Variants in GALNT13 observed in about 807,000 individuals in gnomAD.
The protein encoded by GALNT13 is UDP-GalNAc:polypeptide N-acetylgalactosaminyltransferase 13.
In GALNT13, 28 loss-of-function variants were observed where a neutral mutation model predicts 64.2. The observed-to-expected ratio is 0.44, with a 90% CI of 0.32 to 0.60. The LOEUF is 0.60. Among genes scored for constraint, GALNT13 ranks in the 20% least tolerant of loss-of-function variants. GALNT13 has a pLI of 0.05. For synonymous variants in GALNT13, 214 were observed against 224.6 expected, an observed-to-expected ratio of 0.95 and a Z score of 0.42; for missense variants, 577 against 669.8, an observed-to-expected ratio of 0.86 and a Z score of 1.53.
chr2:153,759,973 G>T, the GALNT13 span, among the ~76,000 whole-genome samples: 1 of 151,926 alleles, frequency 6.6e-6, no homozygotes, highest in South Asian at 2.1e-4. Context: ...CCCTTTAATG[G>T]TTATTTTTTA....
intron 4 of GALNT13, among the ~76,000 whole-genome samples, chr2:154,202,343 T>C (rs1687216804): frequency 6.6e-6 from 1 of 152,072 alleles, no homozygotes; most frequent in South Asian, 2.1e-4. Flanking sequence ...CTGATGAAGT[T>C]CTATTTTTCA....
intron 8 of GALNT13, among the ~76,000 whole-genome samples, chr2:154,295,018 T>C (rs1692836397): frequency 6.6e-6 from 1 of 152,290 alleles, no homozygotes; most frequent in South Asian, 2.1e-4. Context: ...AGCCCTGATA[T>C]TGGCAGAGAA....
the GALNT13 span, among the ~76,000 whole-genome samples, chr2:153,144,747 A>C: frequency 6.6e-6 from 1 of 152,048 alleles, no homozygotes; most frequent in South Asian, 2.1e-4. Context: ...GGGGAAAAGC[A>C]GTAATTAAGG....
chr2:153,796,829 C>A, the GALNT13 span, among the ~76,000 whole-genome samples: 4 of 152,084 alleles, frequency 2.6e-5, no homozygotes, highest in African/African-American at 9.7e-5. Flanking sequence ...TCTTCTCCTG[C>A]CAGTTTAGAG....
the GALNT13 span, among the ~76,000 whole-genome samples, chr2:153,164,405 G>A: frequency 6.6e-6 from 1 of 151,846 alleles, no homozygotes; most frequent in Non-Finnish European, 1.5e-5. Flanking sequence ...TTTTTGGGAG[G>A]TTCCTTGAGA....
At chr2:153,456,771 G>A in the GALNT13 span, among the ~76,000 whole-genome samples, 2 of 152,194 alleles carry the variant, frequency 1.3e-5, no homozygotes, top group Non-Finnish European at 2.9e-5. Flanking sequence ...TAGATAGTAA[G>A]TATCAGAACC....
At chr2:153,190,034 C>T in the GALNT13 span, among the ~76,000 whole-genome samples, 4 of 151,968 alleles carry the variant, frequency 2.6e-5, no homozygotes, top group African/African-American at 9.7e-5. Flanking sequence ...TTTTTCCATT[C>T]AGCAGGTTGT....
At chr2:153,766,712 A>G in the GALNT13 span, among the ~76,000 whole-genome samples, 1 of 151,894 alleles carries the variant, frequency 6.6e-6, no homozygotes, top group Non-Finnish European at 1.5e-5. Context: ...TTAGTTTTTT[A>G]ATGTTTAAAA....
At chr2:154,171,957 ATCTT>A (rs928104491) in intron 4 of GALNT13, among the ~76,000 whole-genome samples, 1 of 138,616 alleles carries the variant, frequency 7.2e-6, no homozygotes, top group Non-Finnish European at 1.5e-5. Context: ...CAAAAATTAA[ATCTT>A]TCTTTCTCAT....
chr2:154,089,987 G>A (rs757748674), intron 3 of GALNT13, among the ~76,000 whole-genome samples: 4 of 151,886 alleles, frequency 2.6e-5, no homozygotes, highest in Non-Finnish European at 1.5e-5. Context: ...GTCAGTAATT[G>A]GGCCAGATAC....
At chr2:153,747,266 G>A in the GALNT13 span, among the ~76,000 whole-genome samples, 1 of 151,678 alleles carries the variant, frequency 6.6e-6, no homozygotes, top group African/African-American at 2.4e-5. Context: ...ATTGACTATA[G>A]TCACCCTGTT....
chr2:153,746,436 C>G, the GALNT13 span, among the ~76,000 whole-genome samples: 1 of 152,082 alleles, frequency 6.6e-6, no homozygotes, highest in African/African-American at 2.4e-5. Flanking sequence ...ATATTTCTCC[C>G]AATATTGTTT....
chr2:153,489,492 A>C, the GALNT13 span, among the ~76,000 whole-genome samples: 3 of 152,200 alleles, frequency 2.0e-5, no homozygotes, highest in African/African-American at 7.2e-5. Flanking sequence ...GCACTCAGAC[A>C]TTTAAAGAAA....
At chr2:154,119,546 A>G (rs1681810965) in intron 3 of GALNT13, among the ~76,000 whole-genome samples, 2 of 152,126 alleles carry the variant, frequency 1.3e-5, no homozygotes, top group African/African-American at 4.8e-5. Flanking sequence ...CTCCTCCTGC[A>G]ACTCTTATTA....
intron 4 of GALNT13, among the ~76,000 whole-genome samples, chr2:154,183,922 T>C (rs1686106727): frequency 6.6e-6 from 1 of 152,064 alleles, no homozygotes; most frequent in South Asian, 2.1e-4. Context: ...TTAAGTTTAT[T>C]TGAAATTTTT....
the GALNT13 span, among the ~76,000 whole-genome samples, chr2:153,137,151 A>G: frequency 6.6e-6 from 1 of 152,134 alleles, no homozygotes; most frequent in Admixed American, 6.6e-5. Flanking sequence ...TGAAAAAGGT[A>G]AATAAAGTTC....
At chr2:153,403,122 A>G in the GALNT13 span, among the ~76,000 whole-genome samples, 2 of 151,450 alleles carry the variant, frequency 1.3e-5, no homozygotes, top group African/African-American at 2.4e-5. Flanking sequence ...GATGTCCTTT[A>G]TGTTTGTTAG....
intron 9 of GALNT13, among the ~76,000 whole-genome samples, chr2:154,378,707 A>AT (rs199778108): frequency 1.2e-4 from 18 of 150,784 alleles, no homozygotes; most frequent in African/African-American, 3.4e-4. Flanking sequence ...CTTCTATTAA[A>AT]TTTTTTTTTT....
the GALNT13 span, among the ~76,000 whole-genome samples, chr2:153,318,752 T>C: frequency 1.3e-5 from 2 of 152,186 alleles, no homozygotes; most frequent in South Asian, 4.1e-4. Context: ...TGCACTAATA[T>C]TATCTATGAC....
Sources: gnomAD v4.1 joint callset for allele counts (sites outside exome capture counted in the v4.1 genomes callset) on GRCh38, gnomAD v4.1.1 for gene constraint, MANE v1.5 for transcripts, NCBI Gene and HGNC (gene_info 2026-07-23, HGNC 2026-07-21) for gene names.